UBASH3A: variants seen among roughly 807,000 people sequenced by gnomAD.
UBASH3A encodes ubiquitin associated and SH3 domain containing A, also known as ubiquitin-associated and SH3 domain-containing protein A.
In UBASH3A, 63 loss-of-function variants were observed where a neutral mutation model predicts 73.5. That is an observed-to-expected ratio of 0.86 (90% confidence interval 0.70 to 1.06). UBASH3A has a LOEUF of 1.06. UBASH3A is among the 50% of genes least tolerant of loss of function. UBASH3A has a pLI of 0.00. For synonymous variants in UBASH3A, 363 were observed against 351.1 expected, an observed-to-expected ratio of 1.03 and a Z score of -0.38; for missense variants, 860 against 859.0, an observed-to-expected ratio of 1.00 and a Z score of -0.02.
intron 6 of UBASH3A, among the ~76,000 whole-genome samples, chr21:42,418,164 G>A (rs1412955717): frequency 6.6e-6 from 1 of 152,094 alleles, no homozygotes; most frequent in African/African-American, 2.4e-5. Flanking sequence ...TTACAGGCGT[G>A]AGCCACCGCG....
chr21:42,425,756 A>C lies in UBASH3A; in HGVS notation c.1047-941A>C, dbSNP rs370275552. ...GGCTCTGGACGGGTCTCGGTGGAGG[A>C]GTGGGAGCTACTGCTGGTTTTATGA... On this transcript the variant is annotated intron_variant, in intron 7 of 14. Coordinates refer to ENST00000319294, the MANE Select transcript of UBASH3A (RefSeq NM_018961.4). Among the ~76,000 whole-genome samples, 3 of 149,524 alleles carry C rather than the reference A, an allele frequency of 2.0e-5. 1 individual carries two copies. The highest frequency in any genetic ancestry group is 2.0e-4 in the East Asian group (1 of 5,054).
In UBASH3A at chr21:42,434,932, C is replaced by T. The variant is rs776998310; in HGVS notation, c.1371C>T (p.Gly457=). The T allele has an allele frequency of 2.7e-5, 43 of 1,614,056 alleles. No homozygotes were observed. Among genetic ancestry groups the T allele is most frequent in the Non-Finnish European group, 3.5e-5 (41 of 1,180,022 alleles). Residue 457 remains glycine, a synonymous_variant, in exon 10 of 15, where the codon GGC becomes GGT. Transcript: ENST00000319294. The part of the protein sequence containing the change: ...FENDPPLSSC[G]IFQSRIAGDA... ...ACGATCCCCCATTATCATCGTGTGG[C>T]ATTTTCCAGTCCAGAATTGCAGGTA...
At chr21:42,426,637 G>T in intron 7 of UBASH3A, 60 bp from the exon 8 acceptor site, 2 of 1,594,116 alleles carry the variant, frequency 1.3e-6, no homozygotes, top group African/African-American at 2.7e-5. Flanking sequence ...CAGATGCTGG[G>T]TCTCCATGGC....
intron 9 of UBASH3A, among the ~76,000 whole-genome samples, chr21:42,434,117 T>C (rs1326907903): frequency 6.6e-6 from 1 of 152,136 alleles, no homozygotes; most frequent in Non-Finnish European, 1.5e-5. Flanking sequence ...GACCACTCCC[T>C]CTTGAGTCAG....
chr21:42,411,847 G>A (rs563134648), intron 3 of UBASH3A, among the ~76,000 whole-genome samples: 5 of 152,332 alleles, frequency 3.3e-5, no homozygotes, highest in South Asian at 2.1e-4. Flanking sequence ...AATGTGAGAC[G>A]GATTCAGGAA....
intron 9 of UBASH3A, among the ~76,000 whole-genome samples, chr21:42,434,234 G>A: frequency 6.6e-6 from 1 of 152,126 alleles, no homozygotes; most frequent in African/African-American, 2.4e-5. Flanking sequence ...TGCACAGTGA[G>A]GAGATGGTGA....
At chr21:42,410,816 A>T (rs1203088560) in intron 3 of UBASH3A, among the ~76,000 whole-genome samples, 1 of 152,126 alleles carries the variant, frequency 6.6e-6, no homozygotes, top group Non-Finnish European at 1.5e-5. Context: ...AGAGACACAC[A>T]CATAGCTCAC....
chr21:42,425,129 T>A (rs1273030481), intron 7 of UBASH3A, among the ~76,000 whole-genome samples: 1 of 152,248 alleles, frequency 6.6e-6, no homozygotes, highest in Non-Finnish European at 1.5e-5. Flanking sequence ...ATGGCAGCTA[T>A]GTCCTTTTAA....
intron 5 of UBASH3A, among the ~76,000 whole-genome samples, chr21:42,415,712 A>G (rs1252154295): frequency 6.6e-6 from 1 of 152,234 alleles, no homozygotes. Context: ...GCAGGCCCAG[A>G]GGCTCAGTCA....
chr21:42,419,192 T>C (rs948422166), intron 7 of UBASH3A, among the ~76,000 whole-genome samples: 2 of 152,186 alleles, frequency 1.3e-5, no homozygotes, highest in African/African-American at 4.8e-5. Context: ...TCCTTGAAGC[T>C]GTAGGGCTCC....
chr21:42,443,444 G>C (rs367631558), intron 13 of UBASH3A, 26 bp downstream of exon 13: 29 of 1,572,814 alleles, frequency 1.8e-5, no homozygotes, highest in Non-Finnish European at 2.4e-5. Flanking sequence ...TCCTCAGTAT[G>C]AACAGCCCCT....
chr21:42,414,026 T>C (rs1248872238), intron 5 of UBASH3A, among the ~76,000 whole-genome samples: 3 of 152,180 alleles, frequency 2.0e-5, no homozygotes, highest in Admixed American at 2.0e-4. Flanking sequence ...TCTTTTTCTT[T>C]CTCTACAAAA....
intron 2 of UBASH3A, among the ~76,000 whole-genome samples, chr21:42,408,938 T>TAAAATAAAATAAAATA (rs1568907888): frequency 1.6e-4 from 24 of 148,762 alleles, no homozygotes; most frequent in African/African-American, 5.9e-4. Flanking sequence ...TAAAATAAAA[T>TAAAATAAAATAAAATA]AAAATAAAAT....
At position 42,417,882 on chromosome 21, in the gene UBASH3A, T is replaced by C. The variant is rs1386391017; in HGVS notation, c.838-519T>C. 2.7e-3 allele frequency among the ~76,000 whole-genome samples: 261 copies of C among 95,476 alleles called. 1 individual carries two copies. The highest frequency in any genetic ancestry group is 0.015 in the African/African-American group (250 of 17,138). 62.6% of individuals were successfully genotyped at this position (95,476 alleles called of 152,430 possible). A position where few individuals can be genotyped will look rare whatever the true frequency, so the allele number is the denominator to read the frequency against. On this transcript the variant is annotated intron_variant, in intron 6 of 14. Transcript: ENST00000319294. ...CTCTTTTTTTTTTCTTTTTTTCTTT[T>C]TTTTTTTTTTTTTTTTTTGAGAGGG...
chr21:42,422,228 A>G (rs758134413), intron 7 of UBASH3A, among the ~76,000 whole-genome samples: 3 of 152,238 alleles, frequency 2.0e-5, no homozygotes, highest in Admixed American at 6.5e-5. Flanking sequence ...TTAGGACCAC[A>G]AAATGCAAAT....
rs113998260 is a variant in UBASH3A at position 42,428,379 on chromosome 21, C to G, written c.1170+1559C>G. 4.2e-3 allele frequency among the ~76,000 whole-genome samples: 645 copies of G among 152,254 alleles called. 3 individuals are homozygous for G. The highest frequency in any genetic ancestry group is 0.015 in the African/African-American group (607 of 41,548). ...TTCTTGAGAAATCAAGAATGTGTCT[C>G]TGAAGCTGGGTCCATGAGAAATGGC... On this transcript the variant is annotated intron_variant, in intron 8 of 14. Coordinates refer to ENST00000319294, the MANE Select transcript of UBASH3A (RefSeq NM_018961.4).
At chr21:42,446,607 T>C (rs1033254896) in intron 14 of UBASH3A, among the ~76,000 whole-genome samples, 2 of 152,272 alleles carry the variant, frequency 1.3e-5, no homozygotes, top group African/African-American at 4.8e-5. Flanking sequence ...GATGGAGGTC[T>C]AAAGGTTCAC....
intron 3 of UBASH3A, 126 bp downstream of exon 3, chr21:42,409,734 G>A: frequency 2.4e-6 from 2 of 818,144 alleles, no homozygotes; most frequent in Non-Finnish European, 1.9e-6. Context: ...TCATTAGCTG[G>A]CACCTTCATA....
At chr21:42,406,197 C>T in intron 1 of UBASH3A, 111 bp from the exon 2 acceptor site, 1 of 887,558 alleles carries the variant, frequency 1.1e-6, no homozygotes, top group Non-Finnish European at 1.9e-6. Context: ...ATCAGGCCCT[C>T]TTCAGAGCAC....
Sources: gnomAD v4.1 joint callset for allele counts (sites outside exome capture counted in the v4.1 genomes callset) on GRCh38, gnomAD v4.1.1 for gene constraint, MANE v1.5 for transcripts, NCBI Gene and HGNC (gene_info 2026-07-23, HGNC 2026-07-21) for gene names.